The following SPECC1L variants were observed in gnomAD, a reference collection of about 807,000 sequenced individuals.
SPECC1L encodes sperm antigen with calponin homology and coiled-coil domains 1 like.
SPECC1L carries 40 observed loss-of-function variants against 116.8 expected under a neutral mutation model. The observed-to-expected ratio is 0.34, with a 90% CI of 0.27 to 0.45. SPECC1L has a LOEUF of 0.45. Ranked by LOEUF, SPECC1L falls within the 20% of genes least tolerant of loss-of-function variation. The pLI is 1.00. For synonymous variants in SPECC1L, 504 were observed against 500.6 expected (o/e 1.01, Z -0.09); for missense variants, 1,110 against 1,373.6 (o/e 0.81, Z 3.03).
chr22:24,384,103 T>C (rs990049949), intron 14 of SPECC1L, among the ~76,000 whole-genome samples: 8 of 137,638 alleles, frequency 5.8e-5, no homozygotes, highest in Non-Finnish European at 1.1e-4. Flanking sequence ...AATGAAAGGA[T>C]GAAAAAAACA....
rs1004500724 is a variant in SPECC1L at position 24,405,656 on chromosome 22, A to G, written c.3088-5932A>G. On this transcript the variant is annotated intron_variant, in intron 14 of 16. Coordinates refer to ENST00000314328, the MANE Select transcript of SPECC1L (RefSeq NM_015330.6). Reference sequence around the variant, plus strand: ...GGAGTTCGAGACCAGCCTGACCAACATGGTGAAACCTCATCTCTACTAAAA... The same window carrying G: ...GGAGTTCGAGACCAGCCTGACCAACGTGGTGAAACCTCATCTCTACTAAAA... Among the ~76,000 whole-genome samples, 6 of 152,044 alleles carry G rather than the reference A, an allele frequency of 3.9e-5. 1 individual carries two copies. Among genetic ancestry groups the G allele is most frequent in the African/African-American group, 1.4e-4 (6 of 41,386 alleles).
At chr22:24,350,429 G>C (rs1221548852) in intron 11 of SPECC1L, among the ~76,000 whole-genome samples, 2 of 152,126 alleles carry the variant, frequency 1.3e-5, no homozygotes, top group African/African-American at 4.8e-5. Context: ...AAAGAAAGAA[G>C]AGTTAAAGCT....
chr22:24,295,807 G>A (rs986339655), intron 2 of SPECC1L, among the ~76,000 whole-genome samples: 1 of 152,080 alleles, frequency 6.6e-6, no homozygotes, highest in Non-Finnish European at 1.5e-5. Flanking sequence ...AATTAGCCAA[G>A]CGTGGTGGCA....
intron 6 of SPECC1L, among the ~76,000 whole-genome samples, chr22:24,327,614 T>C (rs530872887): frequency 6.6e-6 from 1 of 152,076 alleles, no homozygotes; most frequent in South Asian, 2.1e-4. Flanking sequence ...TTTTCCCTAA[T>C]GATAAATCGT....
rs62233087 is a variant in SPECC1L, at chr22:24,298,160, A to G, written c.-37-4035A>G. Among the ~76,000 whole-genome samples the G allele has an allele frequency of 7.4e-3, 1,128 of 152,270 alleles. 6 individuals carry two copies. The highest frequency in any genetic ancestry group is 0.012 in the South Asian group (60 of 4,820). On this transcript the variant is annotated intron_variant, in intron 2 of 16. Transcript: ENST00000314328. Reference sequence around the variant, plus strand: ...TGAGGTGTTCAATACTTTATTATAAAATAGGCTTCATGTTAGATGATTTTT... The same window carrying G: ...TGAGGTGTTCAATACTTTATTATAAGATAGGCTTCATGTTAGATGATTTTT...
At chr22:24,288,205 T>C (rs970147072) in intron 2 of SPECC1L, among the ~76,000 whole-genome samples, 2 of 152,182 alleles carry the variant, frequency 1.3e-5, no homozygotes, top group Non-Finnish European at 2.9e-5. Context: ...CCAGTCCCCT[T>C]ATACCAAGGT....
chr22:24,327,369 G>A (rs568638192), intron 6 of SPECC1L, among the ~76,000 whole-genome samples: 6 of 151,318 alleles, frequency 4.0e-5, no homozygotes, highest in African/African-American at 9.7e-5. Flanking sequence ...AGAAGAGAAG[G>A]TTCTAGTGGA....
At chr22:24,380,735 T>C (rs1330123713) in intron 14 of SPECC1L, among the ~76,000 whole-genome samples, 1 of 152,236 alleles carries the variant, frequency 6.6e-6, no homozygotes, top group Non-Finnish European at 1.5e-5. Context: ...TTCTGGTTTA[T>C]TATCAGGTTT....
chr22:24,316,168 A>G (rs1176346845), intron 4 of SPECC1L, among the ~76,000 whole-genome samples: 2 of 152,158 alleles, frequency 1.3e-5, no homozygotes, highest in Non-Finnish European at 2.9e-5. Flanking sequence ...TTTGATTTCC[A>G]TGTATCAATT....
chr22:24,360,586 G>A (rs147945680), intron 11 of SPECC1L, among the ~76,000 whole-genome samples: 21 of 152,164 alleles, frequency 1.4e-4, no homozygotes, highest in Non-Finnish European at 3.1e-4. Flanking sequence ...CTTATAGTGT[G>A]TATTGTAAAA....
At chr22:24,330,458 C>CTT in intron 8 of SPECC1L, 27 bp downstream of exon 8, 2 of 1,612,638 alleles carry the variant, frequency 1.2e-6, no homozygotes, top group Non-Finnish European at 1.7e-6. Flanking sequence ...CTGTTGTGTA[C>CTT]TTATGTTTCA....
At chr22:24,348,432 A>G (rs2041349360) in intron 11 of SPECC1L, among the ~76,000 whole-genome samples, 1 of 152,160 alleles carries the variant, frequency 6.6e-6, no homozygotes, top group Non-Finnish European at 1.5e-5. Context: ...GTCAGTCTTC[A>G]GTGTTCTGAT....
At chr22:24,346,163 C>T (rs958572571) in intron 10 of SPECC1L, among the ~76,000 whole-genome samples, 6 of 152,066 alleles carry the variant, frequency 3.9e-5, no homozygotes, top group Non-Finnish European at 5.9e-5. Context: ...CCTGCCACCA[C>T]GCCCAGCTAA....
chr22:24,338,762 A>C (rs1382381016), intron 10 of SPECC1L, among the ~76,000 whole-genome samples: 1 of 152,228 alleles, frequency 6.6e-6, no homozygotes, highest in Non-Finnish European at 1.5e-5. Context: ...TAACTCATTT[A>C]ATCCTTACAA....
At chr22:24,370,944 G>T (rs1421080539) in intron 14 of SPECC1L, among the ~76,000 whole-genome samples, 1 of 151,344 alleles carries the variant, frequency 6.6e-6, no homozygotes, top group African/African-American at 2.4e-5. Flanking sequence ...AAAGGGGGTG[G>T]GTACACAGTT....
chr22:24,309,966 C>T (rs892358099), intron 3 of SPECC1L, among the ~76,000 whole-genome samples: 7 of 152,220 alleles, frequency 4.6e-5, no homozygotes, highest in Non-Finnish European at 8.8e-5. Context: ...CCCCTCTCCT[C>T]CCCTGTTCCC....
At position 24,347,173 on chromosome 22, in the gene SPECC1L, C is replaced by G. The variant is rs202183866; in HGVS notation, c.2740C>G (p.Gln914Glu). ...KRPNYGEIPVQEHLLRTSSAS... is the reference protein window; with the variant it reads ...KRPNYGEIPVEEHLLRTSSAS... The stretch of plus-strand genomic sequence containing the variant: ...ACCAAACTATGGGGAAATCCCTGTT[C>G]AAGGTACGTGTAATATGCCATAGCA... The change falls in exon 11 of 17, where the codon CAA (glutamine) becomes GAA (glutamate). Residue 914 changes from glutamine (Q) to glutamate (E), a missense_variant. Physicochemically the swap from Gln to Glu is conservative, Grantham distance 29. Transcript: ENST00000314328. The G allele has an allele frequency of 2.3e-4, 371 of 1,611,784 alleles. No homozygotes were observed. The highest frequency in any genetic ancestry group is 2.8e-4 in the Non-Finnish European group (326 of 1,178,060).
At chr22:24,412,739 G>GA (rs1320686835) in intron 16 of SPECC1L, 32 bp downstream of exon 16, 14 of 1,610,802 alleles carry the variant, frequency 8.7e-6, no homozygotes, top group Non-Finnish European at 1.2e-5. Flanking sequence ...TCACTGGCAG[G>GA]GCCCTCCTTC....
At chr22:24,375,974 A>C (rs1009934038) in intron 14 of SPECC1L, among the ~76,000 whole-genome samples, 25 of 152,080 alleles carry the variant, frequency 1.6e-4, no homozygotes, top group Admixed American at 8.5e-4. Context: ...AACAAACAAA[A>C]AAAACAAAAA....
Sources: gnomAD v4.1 joint callset for allele counts (sites outside exome capture counted in the v4.1 genomes callset) on GRCh38, gnomAD v4.1.1 for gene constraint, MANE v1.5 for transcripts, NCBI Gene and HGNC (gene_info 2026-07-23, HGNC 2026-07-21) for gene names.